MBTPS1: variants seen among roughly 807,000 people sequenced by gnomAD.
The protein encoded by MBTPS1 is membrane bound transcription factor peptidase, site 1, also known as membrane-bound transcription factor site-1 protease.
In MBTPS1, 94 loss-of-function variants were observed where a neutral mutation model predicts 127.8. The ratio of observed to expected loss-of-function variants is 0.74; its 90% CI spans 0.62 to 0.87. The LOEUF (loss-of-function observed/expected upper bound fraction) is 0.87. Among genes scored for constraint, MBTPS1 ranks in the 40% least tolerant of loss-of-function variants. The probability of loss-of-function intolerance (pLI) is 0.00; values close to 1 mark genes in which losing one functional copy is unlikely to be tolerated. For missense variants in MBTPS1, 1,636 were observed against 1,353.2 expected (o/e 1.21, Z -3.28); for synonymous variants, 632 against 509.4 (o/e 1.24, Z -3.24).
intron 3 of MBTPS1, 22 bp downstream of exon 3, chr16:84,099,031 T>C (rs750078476): frequency 6.2e-7 from 1 of 1,609,074 alleles, no homozygotes; most frequent in African/African-American, 1.3e-5. Context: ...GAGAGAAATT[T>C]GCCTACAGTC....
Position 84,054,517 on chromosome 16 carries a change from T to G in MBTPS1, c.3091A>C (p.Arg1031=). ...TGCGGGCGCTTCACCCTGGGCTTCCTCCGCTTCGGCCTGCTCTTGGCCTTG... is the reference window on the plus strand; with the variant it reads ...TGCGGGCGCTTCACCCTGGGCTTCCGCCGCTTCGGCCTGCTCTTGGCCTTG... ...INKAKSRPKR[R]KPRVKRPQLM... Residue 1031 remains arginine, a synonymous_variant, in exon 23 of 23, where the codon AGG becomes CGG. Coordinates refer to ENST00000343411, the MANE Select transcript of MBTPS1 (RefSeq NM_003791.4). 1 of 1,613,810 alleles carries G rather than the reference T, an allele frequency of 6.2e-7. No homozygotes were observed. The highest frequency in any genetic ancestry group is 1.7e-5 in the Admixed American group (1 of 59,980).
At chr16:84,111,119 C>A (rs926393773) in intron 1 of MBTPS1, among the ~76,000 whole-genome samples, 2 of 152,248 alleles carry the variant, frequency 1.3e-5, no homozygotes, top group African/African-American at 4.8e-5. Flanking sequence ...AGGGACTTTG[C>A]AGCTGTGACT....
rs769374114 is a variant in MBTPS1 at position 84,070,033 on chromosome 16, T to C, written c.1788A>G (p.Lys596=). The C allele has an allele frequency of 6.4e-7, 1 of 1,557,214 alleles. No homozygotes were observed. The highest frequency in any genetic ancestry group is 8.6e-7 in the Non-Finnish European group (1 of 1,159,180). ...CTGTTGAAGTCTGTTCTGCACCATTTTTTGACTAAAAAAAAAGAAAAGAAA... is the reference window on the plus strand; with the variant it reads ...CTGTTGAAGTCTGTTCTGCACCATTCTTTGACTAAAAAAAAAGAAAAGAAA... ...TVASPAETES[K]NGAEQTSTVK... Residue 596 remains lysine (K), a synonymous_variant, in exon 14 of 23, where the codon AAA becomes AAG. Transcript: ENST00000343411.
In MBTPS1 at chr16:84,066,606, A is replaced by C; in HGVS notation, c.2236T>G (p.Trp746Gly). The C allele has an allele frequency of 1.2e-6, 2 of 1,614,086 alleles. No homozygotes were observed. The highest frequency in any genetic ancestry group is 1.7e-6 in the Non-Finnish European group (2 of 1,179,970). ...KFYDENTRQWWMPDTGGANIP... is the reference protein window; with the variant it reads ...KFYDENTRQWGMPDTGGANIP... ...TTAGCTCCTCCGGTATCCGGCATCC[A>C]CCACTGCCTGGGAAAGTGGTAACAG... Residue 746 changes from tryptophan (W) to glycine (G), a missense_variant, in exon 17 of 23, where the codon TGG becomes GGG. Transcript: ENST00000343411.
chr16:84,082,105 G>A (rs906518466), intron 10 of MBTPS1, 197 bp from the exon 11 acceptor site: 17 of 390,804 alleles, frequency 4.4e-5, no homozygotes, highest in Admixed American at 1.3e-4. Context: ...TGACCACTCC[G>A]CAACCTTCTA....
Position 84,054,524 on chromosome 16 carries a change from C to T in MBTPS1, c.3084G>A (p.Pro1028=), listed in dbSNP as rs754896455. The change falls in exon 23 of 23, where the codon CCG becomes CCA. Residue 1028 remains proline (P), a synonymous_variant. Transcript: ENST00000343411. ...GCTTCACCCTGGGCTTCCTCCGCTTCGGCCTGCTCTTGGCCTTGTTGATTT... is the reference window on the plus strand; with the variant it reads ...GCTTCACCCTGGGCTTCCTCCGCTTTGGCCTGCTCTTGGCCTTGTTGATTT... The part of the protein sequence containing the change: ...VVQINKAKSR[P]KRRKPRVKRP... The T allele has an allele frequency of 7.4e-6, 12 of 1,613,832 alleles. No individual in the cohort carries two copies. Among genetic ancestry groups the T allele is most frequent in the South Asian group, 6.6e-5 (6 of 91,068 alleles).
chr16:84,070,363 G>T (rs965314892), intron 13 of MBTPS1, among the ~76,000 whole-genome samples: 10 of 152,170 alleles, frequency 6.6e-5, no homozygotes, highest in African/African-American at 2.4e-4. Context: ...AGTCTTCTCT[G>T]CTGTTGTGTG....
At chr16:84,060,905 C>A in intron 19 of MBTPS1, 92 bp from the exon 20 acceptor site, 1 of 1,262,602 alleles carries the variant, frequency 7.9e-7, no homozygotes, top group Non-Finnish European at 1.1e-6. Flanking sequence ...GCAATCATAG[C>A]TCACTGCAGC....
intron 18 of MBTPS1, among the ~76,000 whole-genome samples, chr16:84,063,657 C>G (rs1023011883): frequency 2.0e-5 from 3 of 152,166 alleles, no homozygotes; most frequent in African/African-American, 7.2e-5. Context: ...TAGCAAAATT[C>G]ACTTTGTGTG....
intron 11 of MBTPS1, among the ~76,000 whole-genome samples, chr16:84,081,125 G>A (rs1347904302): frequency 6.6e-6 from 1 of 152,214 alleles, no homozygotes; most frequent in African/African-American, 2.4e-5. Context: ...TTCATTTCCA[G>A]ACTCTGACGC....
At chr16:84,077,594 C>G (rs1045602776) in intron 11 of MBTPS1, among the ~76,000 whole-genome samples, 1 of 152,118 alleles carries the variant, frequency 6.6e-6, no homozygotes, top group Non-Finnish European at 1.5e-5. Flanking sequence ...AAAATTAACT[C>G]CAAATGGATC....
chr16:84,099,292 T>C lies in MBTPS1; in HGVS notation c.182A>G (p.Asn61Ser), dbSNP rs1004332434. ...VVEYEYIVAF[N>S]GYFTAKARNS... ...TCTAGCTTTGGCTGTAAAGTATCCATTGAAAGCCACAATATATTCTGAAAC... is the reference window on the plus strand; with the variant it reads ...TCTAGCTTTGGCTGTAAAGTATCCACTGAAAGCCACAATATATTCTGAAAC... The change falls in exon 3 of 23, where the codon AAT (asparagine) becomes AGT (serine). Residue 61 changes from asparagine (N) to serine (S), a missense_variant. Coordinates refer to ENST00000343411, the MANE Select transcript of MBTPS1 (RefSeq NM_003791.4). 6.2e-6 allele frequency: 10 copies of C among 1,613,882 alleles called. No individual in the cohort carries two copies. The highest frequency in any genetic ancestry group is 1.3e-5 in the African/African-American group (1 of 74,898).
chr16:84,110,275 G>A (rs911170084), intron 1 of MBTPS1, among the ~76,000 whole-genome samples: 2 of 152,122 alleles, frequency 1.3e-5, no homozygotes, highest in African/African-American at 4.8e-5. Flanking sequence ...TCTCATTCTA[G>A]GAAATTGACA....
intron 11 of MBTPS1, among the ~76,000 whole-genome samples, chr16:84,077,705 G>T (rs1240053863): frequency 6.6e-6 from 1 of 152,098 alleles, no homozygotes; most frequent in Non-Finnish European, 1.5e-5. Context: ...ACTTTCTAAG[G>T]ACTCAAAATA....
At chr16:84,111,163 C>T (rs971818996) in intron 1 of MBTPS1, among the ~76,000 whole-genome samples, 10 of 151,896 alleles carry the variant, frequency 6.6e-5, no homozygotes, top group South Asian at 4.2e-4. Flanking sequence ...CCTCGGTGAT[C>T]CAGGTGGGCC....
At chr16:84,073,353 C>T (rs948379061) in intron 12 of MBTPS1, among the ~76,000 whole-genome samples, 7 of 152,054 alleles carry the variant, frequency 4.6e-5, no homozygotes, top group Admixed American at 4.6e-4. Context: ...AGGATGGTCT[C>T]GATCTCTTGA....
chr16:84,076,042 T>C (rs1031587661), intron 11 of MBTPS1, among the ~76,000 whole-genome samples: 1 of 152,202 alleles, frequency 6.6e-6, no homozygotes, highest in Non-Finnish European at 1.5e-5. Flanking sequence ...TAGGAAACCA[T>C]TATTAGCAAA....
At chr16:84,081,419 T>G (rs75104304) in intron 11 of MBTPS1, 2,130 of 168,498 alleles carry the variant, frequency 0.013, 32 homozygotes, top group Middle Eastern at 0.043. Flanking sequence ...GGCAACCTTG[T>G]AGGACAACTC....
At chr16:84,107,842 C>T (rs2086345551) in intron 1 of MBTPS1, among the ~76,000 whole-genome samples, 1 of 150,896 alleles carries the variant, frequency 6.6e-6, no homozygotes, top group South Asian at 2.1e-4. Context: ...GTTGCACGGA[C>T]TACAATACGG....
Sources: allele counts gnomAD v4.1 joint callset (sites outside exome capture counted in the v4.1 genomes callset), GRCh38; gene constraint gnomAD v4.1.1; transcripts MANE v1.5; gene names NCBI Gene and HGNC (gene_info 2026-07-23, HGNC 2026-07-21).